Variants in BTN2A1 observed in about 807,000 individuals in gnomAD.
BTN2A1 encodes butyrophilin, subfamily 2, member A1.
A neutral mutation model predicts 34.5 loss-of-function variants in BTN2A1; 41 were observed. The observed-to-expected ratio is 1.19, with a 90% CI of 0.93 to 1.54. BTN2A1 has a LOEUF of 1.54. Ranked by LOEUF, BTN2A1 falls within the 40% of genes most tolerant of loss-of-function variation. The probability of loss-of-function intolerance (pLI) is 0.00; values close to 1 mark genes in which losing one functional copy is unlikely to be tolerated. For synonymous variants in BTN2A1, 267 were observed against 258.6 expected (o/e 1.03, Z -0.31); for missense variants, 642 against 662.0 (o/e 0.97, Z 0.33).
At chr6:26,458,245 C>G (rs1763060194) in intron 1 of BTN2A1, 103 bp downstream of exon 1, 1 of 219,126 alleles carries the variant, frequency 4.6e-6, no homozygotes, top group African/African-American at 2.3e-5. Flanking sequence ...ACAGGGAAAG[C>G]CCACCGGTGG....
Position 26,465,290 on chromosome 6 carries a change from A to C in BTN2A1, c.818A>C (p.Gln273Pro), listed in dbSNP as rs1041165166. 13 of 1,614,088 alleles carry C rather than the reference A, an allele frequency of 8.1e-6. No individual in the cohort carries two copies. The highest frequency in any genetic ancestry group is 1.1e-5 in the Non-Finnish European group (13 of 1,180,036). ...AVCIYWINKLQKEKKILSGEK... is the reference protein window; with the variant it reads ...AVCIYWINKLPKEKKILSGEK... ...TGCATCTATTGGATCAACAAACTCC[A>C]AAAGGAAAAAAAGATTCTGTCAGGG... The change falls in exon 5 of 8, where the codon CAA becomes CCA. Residue 273 changes from glutamine to proline, a missense_variant. Transcript: ENST00000312541.
At chr6:26,461,184 G>A (rs1763155204) in intron 3 of BTN2A1, among the ~76,000 whole-genome samples, 1 of 152,220 alleles carries the variant, frequency 6.6e-6, no homozygotes, top group Non-Finnish European at 1.5e-5. Flanking sequence ...GCACTCCAGG[G>A]TTGACCAGTT....
chr6:26,471,035 T>TA (rs1337482489), downstream of BTN2A1, among the ~76,000 whole-genome samples: 1 of 152,228 alleles, frequency 6.6e-6, no homozygotes, highest in Non-Finnish European at 1.5e-5. Flanking sequence ...GCTTAAATGA[T>TA]AGTGTTTTGG....
intron 4 of BTN2A1, among the ~76,000 whole-genome samples, chr6:26,464,704 A>G (rs1366413163): frequency 6.6e-6 from 1 of 152,222 alleles, no homozygotes; most frequent in African/African-American, 2.4e-5. Context: ...CACAGAGGCA[A>G]TGAAAACACA....
rs117670029 is a variant in BTN2A1 at position 26,463,674 on chromosome 6, G to A, written c.712+149G>A. ...GGCTGCAGCTGAGTGAAGCCTTTCC[G>A]CTTCTCACAAAAGGAGAATCAAAGT... is the stretch of plus-strand genomic sequence containing the variant. On this transcript the variant is annotated intron_variant, in intron 4 of 7. Coordinates refer to ENST00000312541, the MANE Select transcript of BTN2A1 (RefSeq NM_007049.5). The A allele has an allele frequency of 6.1e-3, 5,785 of 950,008 alleles. 200 individuals carry two copies. The East Asian group carries it at 0.088, about 14-fold the overall frequency. The allele number at this position is 950,008 out of a possible 1,614,324, so 58.8% of individuals were successfully genotyped here.
chr6:26,463,596 G>A (rs773676526), intron 4 of BTN2A1, 71 bp downstream of exon 4: 32 of 1,528,500 alleles, frequency 2.1e-5, no homozygotes, highest in Admixed American at 7.0e-5. Context: ...AGCCCAGAAC[G>A]GGGATGGGGG....
chr6:26,459,861 C>A (rs112880249), intron 3 of BTN2A1, 33 bp downstream of exon 3: 1 of 1,578,044 alleles, frequency 6.3e-7, no homozygotes, highest in Non-Finnish European at 8.6e-7. Context: ...GTTACTTTGG[C>A]ACAGTGTGAC....
At chr6:26,470,346 TCAAA>T (rs1763426403), downstream of BTN2A1, among the ~76,000 whole-genome samples, 3 of 151,882 alleles carry the variant, frequency 2.0e-5, no homozygotes, top group African/African-American at 4.8e-5. Context: ...AACTCCCGTC[TCAAA>T]CAAAGAGGGG....
rs556482782 is a variant in BTN2A1, at chr6:26,465,170, T to C, written c.713-15T>C. 3.8e-5 allele frequency: 61 copies of C among 1,608,504 alleles called. 1 individual carries two copies. In the South Asian group the frequency reaches 5.7e-4, roughly 15 times the overall value. ...CTGTTTCAAACTAAGTGGATATTTC[T>C]GGCTGCCTTTTCAGAATCCTTTATG... On this transcript the variant is annotated splice_polypyrimidine_tract_variant and intron_variant, in intron 4 of 7. Transcript: ENST00000312541.
intron 5 of BTN2A1, 80 bp from the exon 6 acceptor site, chr6:26,465,873 G>A (rs140086829): frequency 1.6e-5 from 25 of 1,604,466 alleles, no homozygotes; most frequent in Admixed American, 1.4e-4. Flanking sequence ...TAGAAAGGAC[G>A]GTTCCTGCAT....
Position 26,468,522 on chromosome 6 carries a change from C to G in BTN2A1, c.1557C>G (p.His519Gln). 6.2e-7 allele frequency: 1 copy of G among 1,614,192 alleles called. No individual in the cohort carries two copies. Among genetic ancestry groups the G allele is most frequent in the South Asian group, 1.1e-5 (1 of 91,084 alleles). The change falls in exon 8 of 8, where the codon CAC becomes CAG. Residue 519 changes from histidine (H) to glutamine (Q), a missense_variant. Physicochemically the swap from His to Gln is conservative, Grantham distance 24. Coordinates refer to ENST00000312541, the MANE Select transcript of BTN2A1 (RefSeq NM_007049.5). ...VTVPEEGLTL[H>Q]RVGTHQSL ...TGCCTGAAGAGGGCCTGACACTTCA[C>G]AGAGTGGGGACCCACCAGAGCCTAT...
rs1013327307 is a variant in BTN2A1, at chr6:26,468,797, C to G, written c.*248C>G. On this transcript the variant is annotated 3_prime_UTR_variant, in exon 8 of 8. Coordinates refer to ENST00000312541, the MANE Select transcript of BTN2A1 (RefSeq NM_007049.5). ...TCCAGGCATAGGGAACTAGTTGTTACACAGCTCCCAGCCAAGAAGAAAGTG... is the reference window on the plus strand; with the variant it reads ...TCCAGGCATAGGGAACTAGTTGTTAGACAGCTCCCAGCCAAGAAGAAAGTG... 1.9e-4 allele frequency: 298 copies of G among 1,587,104 alleles called. No homozygotes were observed. The highest frequency in any genetic ancestry group is 2.4e-4 in the Non-Finnish European group (281 of 1,164,562).
chr6:26,463,297 C>A lies in BTN2A1; in HGVS notation c.484C>A (p.Arg162=), dbSNP rs370143700. 2 of 1,613,714 alleles carry A rather than the reference C, an allele frequency of 1.2e-6. No individual in the cohort carries two copies. The highest frequency in any genetic ancestry group is 2.2e-5 in the South Asian group (2 of 91,062). ...GAGGGGCCATGAAGACGGGGGCATC[C>A]GGCTGGAGTGCATATCTAGAGGGTG... The part of the protein sequence containing the change: ...SMRGHEDGGI[R]LECISRGWYP... Residue 162 remains arginine (R), a synonymous_variant, in exon 4 of 8, where the codon CGG becomes AGG. Coordinates refer to ENST00000312541, the MANE Select transcript of BTN2A1 (RefSeq NM_007049.5).
At chr6:26,462,324 G>C (rs992260088) in intron 3 of BTN2A1, among the ~76,000 whole-genome samples, 1 of 152,064 alleles carries the variant, frequency 6.6e-6, no homozygotes, top group African/African-American at 2.4e-5. Flanking sequence ...CTTAGTCCCT[G>C]GATCATCCAG....
chr6:26,469,299 A>G lies in BTN2A1; in HGVS notation c.*750A>G. The G allele has an allele frequency of 1.0e-6, 1 of 990,732 alleles. No homozygotes were observed. The highest frequency in any genetic ancestry group is 1.2e-6 in the Non-Finnish European group (1 of 832,948). 61.4% of individuals were successfully genotyped at this position (990,732 alleles called of 1,614,324 possible). On this transcript the variant is annotated 3_prime_UTR_variant, in exon 8 of 8. Coordinates refer to ENST00000312541, the MANE Select transcript of BTN2A1 (RefSeq NM_007049.5). Reference sequence around the variant, plus strand: ...GCTGAGCCAAGGAGTAATGGACCAGATCTACCTCAGTATTCAAGTTCAGTG... The same window carrying G: ...GCTGAGCCAAGGAGTAATGGACCAGGTCTACCTCAGTATTCAAGTTCAGTG...
intron 7 of BTN2A1, 25 bp from the exon 8 acceptor site, chr6:26,467,923 C>T (rs1359768687): frequency 1.9e-6 from 3 of 1,602,690 alleles, no homozygotes; most frequent in African/African-American, 2.7e-5. Context: ...AGACCCCAGG[C>T]CTAAACCTGA....
chr6:26,461,867 A>G lies in BTN2A1; in HGVS notation c.431-1377A>G, dbSNP rs865886373. 9.9e-5 allele frequency among the ~76,000 whole-genome samples: 15 copies of G among 152,018 alleles called. No homozygotes were observed. The South Asian group carries it at 3.1e-3, about 32-fold the overall frequency. On this transcript the variant is annotated intron_variant, in intron 3 of 7. Transcript: ENST00000312541. ...CCAGTCTCTACAAAAAGATACAAAA[A>G]AAAAGTAGCTGGGCATGGTGGCACA...
Position 26,468,686 on chromosome 6 carries a change from A to T in BTN2A1, c.*137A>T. On this transcript the variant is annotated 3_prime_UTR_variant, in exon 8 of 8. Transcript: ENST00000312541. ...AACATCTTCCAGCTGCCTCTTTCACACCCACTACAGACCTCAGCCCCAGTT... is the reference window on the plus strand; with the variant it reads ...AACATCTTCCAGCTGCCTCTTTCACTCCCACTACAGACCTCAGCCCCAGTT... 1 of 1,613,234 alleles carries T rather than the reference A, an allele frequency of 6.2e-7. No individual in the cohort carries two copies. The highest frequency in any genetic ancestry group is 8.5e-7 in the Non-Finnish European group (1 of 1,179,950).
Position 26,463,298 on chromosome 6 carries a change from G to C in BTN2A1, c.485G>C (p.Arg162Pro), listed in dbSNP as rs374472452. The C allele has an allele frequency of 4.3e-5, 70 of 1,613,828 alleles. No homozygotes were observed. The highest frequency in any genetic ancestry group is 5.4e-5 in the Non-Finnish European group (64 of 1,179,834). Reference protein sequence around the residue: ...SMRGHEDGGIRLECISRGWYP... With the variant: ...SMRGHEDGGIPLECISRGWYP... ...AGGGGCCATGAAGACGGGGGCATCC[G>C]GCTGGAGTGCATATCTAGAGGGTGG... Residue 162 changes from arginine (R) to proline (P), a missense_variant, in exon 4 of 8, where the codon CGG becomes CCG. Transcript: ENST00000312541.
Sources: allele counts gnomAD v4.1 joint callset (sites outside exome capture counted in the v4.1 genomes callset), GRCh38; gene constraint gnomAD v4.1.1; transcripts MANE v1.5; gene names NCBI Gene and HGNC (gene_info 2026-07-23, HGNC 2026-07-21).